PTPRD: variants seen among roughly 807,000 people sequenced by gnomAD.
PTPRD encodes receptor-type tyrosine-protein phosphatase delta.
In PTPRD, 34 loss-of-function variants were observed where a neutral mutation model predicts 214.5. That is an observed-to-expected ratio of 0.16 (90% CI 0.12 to 0.21). The LOEUF (loss-of-function observed/expected upper bound fraction) is 0.21, where lower values mean the gene tolerates loss of function less well. Among genes scored for constraint, PTPRD ranks in the 10% least tolerant of loss-of-function variants. PTPRD has a pLI of 1.00. For missense variants in PTPRD, 2,545 were observed against 2,398.7 expected, an observed-to-expected ratio of 1.06 and a Z score of -1.27; for synonymous variants, 1,128 against 845.7, an observed-to-expected ratio of 1.33 and a Z score of -5.79.
intron 7 of PTPRD, among the ~76,000 whole-genome samples, chr9:9,577,939 G>A (rs112576763): frequency 0.024 from 3,569 of 150,580 alleles, 55 homozygotes; most frequent in Non-Finnish European, 0.036. Flanking sequence ...CCAGGTACTT[G>A]GGAGACTGAG....
At chr9:8,326,129 G>A (rs1330682859) in intron 44 of PTPRD, among the ~76,000 whole-genome samples, 1 of 152,174 alleles carries the variant, frequency 6.6e-6, no homozygotes, top group African/African-American at 2.4e-5. Context: ...AGTGAGAGAG[G>A]GCATCCCTCT....
intron 5 of PTPRD, among the ~76,000 whole-genome samples, chr9:9,777,639 G>C (rs1807361051): frequency 3.3e-5 from 5 of 152,130 alleles, no homozygotes; most frequent in African/African-American, 2.4e-5. Flanking sequence ...CAAGTTTCCA[G>C]TGAGCCATCA....
intron 7 of PTPRD, among the ~76,000 whole-genome samples, chr9:9,689,812 A>T (rs1187793024): frequency 6.6e-6 from 1 of 151,922 alleles, no homozygotes; most frequent in Admixed American, 6.6e-5. Context: ...TGCAAATGAC[A>T]GGATTTCATT....
At chr9:9,718,520 GC>G (rs1481063202) in intron 7 of PTPRD, among the ~76,000 whole-genome samples, 10 of 152,178 alleles carry the variant, frequency 6.6e-5, no homozygotes, top group Non-Finnish European at 1.3e-4. Context: ...AGCTGCAGCT[GC>G]CCAGCCACGG....
chr9:10,496,536 T>G (rs1183101109), intron 2 of PTPRD, among the ~76,000 whole-genome samples: 1 of 152,064 alleles, frequency 6.6e-6, no homozygotes, highest in African/African-American at 2.4e-5. Context: ...TCCAAACTGG[T>G]TTCTACAATA....
At chr9:8,953,884 T>C (rs759049980) in intron 11 of PTPRD, among the ~76,000 whole-genome samples, 1 of 151,934 alleles carries the variant, frequency 6.6e-6, no homozygotes, top group Non-Finnish European at 1.5e-5. Flanking sequence ...AGGGGACACT[T>C]ATACACTGGT....
At chr9:10,074,780 G>C (rs761907663) in intron 3 of PTPRD, among the ~76,000 whole-genome samples, 3 of 152,220 alleles carry the variant, frequency 2.0e-5, no homozygotes, top group Middle Eastern at 3.4e-3. Context: ...GAAATGATAA[G>C]CTCTGCTGAA....
At chr9:9,275,055 GTATATATATA>G (rs1191104947) in intron 9 of PTPRD, among the ~76,000 whole-genome samples, 1 of 69,090 alleles carries the variant, frequency 1.4e-5, no homozygotes, top group Non-Finnish European at 2.7e-5. Flanking sequence ...ATATATATAT[GTATATATATA>G]TTATATATAT....
At chr9:10,406,931 T>C (rs73406104) in intron 2 of PTPRD, among the ~76,000 whole-genome samples, 6,464 of 151,556 alleles carry the variant, frequency 0.043, 467 homozygotes, top group African/African-American at 0.14. Context: ...ACTAGAAAAA[T>C]ATATGGTCAT....
At chr9:8,712,654 T>C (rs1383705238) in intron 12 of PTPRD, among the ~76,000 whole-genome samples, 2 of 151,774 alleles carry the variant, frequency 1.3e-5, no homozygotes, top group African/African-American at 2.4e-5. Flanking sequence ...ATCTCCTACA[T>C]ATTCTACTGT....
intron 3 of PTPRD, among the ~76,000 whole-genome samples, chr9:10,097,784 G>C (rs1336255274): frequency 6.6e-6 from 1 of 151,800 alleles, no homozygotes; most frequent in African/African-American, 2.4e-5. Context: ...TGTTGAATAG[G>C]AGTGGTGAGA....
At chr9:10,129,068 T>G (rs921667789) in intron 3 of PTPRD, among the ~76,000 whole-genome samples, 20 of 152,258 alleles carry the variant, frequency 1.3e-4, no homozygotes, top group African/African-American at 4.8e-4. Context: ...AGAGAAGACA[T>G]TTTCCAATGT....
intron 10 of PTPRD, among the ~76,000 whole-genome samples, chr9:9,112,510 C>A (rs994799897): frequency 2.6e-5 from 4 of 152,128 alleles, no homozygotes; most frequent in Non-Finnish European, 4.4e-5. Context: ...TGAGAAAATT[C>A]TCTTTCTTAG....
intron 9 of PTPRD, among the ~76,000 whole-genome samples, chr9:9,245,520 C>T (rs977176238): frequency 6.7e-6 from 1 of 149,978 alleles, no homozygotes; most frequent in African/African-American, 2.5e-5. Context: ...ATTGCAAGGA[C>T]AAAAAACCAA....
chr9:9,331,660 C>T (rs193038852), intron 9 of PTPRD, among the ~76,000 whole-genome samples: 9 of 152,148 alleles, frequency 5.9e-5, no homozygotes, highest in Admixed American at 2.6e-4. Context: ...CCAATAACAA[C>T]GGCTATCTAA....
chr9:8,444,056 A>G (rs1157685597), intron 34 of PTPRD, among the ~76,000 whole-genome samples: 3 of 152,188 alleles, frequency 2.0e-5, no homozygotes, highest in African/African-American at 7.2e-5. Context: ...TCTCTCTATC[A>G]AAATGGTAAA....
intron 2 of PTPRD, among the ~76,000 whole-genome samples, chr9:10,607,663 C>A (rs1464826871): frequency 1.3e-5 from 2 of 151,654 alleles, no homozygotes; most frequent in Non-Finnish European, 3.0e-5. Flanking sequence ...ATATAGAAAA[C>A]AATTGGTCAT....
At chr9:9,400,929 T>C (rs2141342438) in intron 8 of PTPRD, among the ~76,000 whole-genome samples, 1 of 152,218 alleles carries the variant, frequency 6.6e-6, no homozygotes, top group East Asian at 1.9e-4. Flanking sequence ...AAAGGGTGTC[T>C]ATTTTCTATA....
At chr9:9,870,102 ATAT>A (rs1158300892) in intron 5 of PTPRD, among the ~76,000 whole-genome samples, 2 of 152,104 alleles carry the variant, frequency 1.3e-5, no homozygotes, top group Admixed American at 6.6e-5. Context: ...TTGTTTCAAA[ATAT>A]TATACAACAA....
Sources: gnomAD v4.1 joint callset for allele counts (sites outside exome capture counted in the v4.1 genomes callset) on GRCh38, gnomAD v4.1.1 for gene constraint, MANE v1.5 for transcripts, NCBI Gene and HGNC (gene_info 2026-07-23, HGNC 2026-07-21) for gene names.